Variants in TECTB observed in about 807,000 individuals in gnomAD.
TECTB encodes the protein tectorin beta.
TECTB carries 45 observed loss-of-function variants against 43.3 expected under a neutral mutation model. That is an observed-to-expected ratio of 1.04 (90% confidence interval 0.82 to 1.33). TECTB has a LOEUF of 1.33. Ranked by LOEUF, TECTB falls within the 40% of genes most tolerant of loss-of-function variation. The pLI, the probability that TECTB is intolerant of heterozygous loss-of-function variation, is 0.00. For missense variants in TECTB, 399 were observed against 404.7 expected (o/e 0.99, Z 0.12); for synonymous variants, 169 against 156.7 (o/e 1.08, Z -0.59).
chr10:112,285,710 TG>T (rs1404738240), intron 3 of TECTB, among the ~76,000 whole-genome samples: 4 of 152,126 alleles, frequency 2.6e-5, no homozygotes, highest in Non-Finnish European at 5.9e-5. Flanking sequence ...AAATTGGAGA[TG>T]GGTGAAGCAT....
chr10:112,296,548 G>T (rs961713169), intron 7 of TECTB, among the ~76,000 whole-genome samples: 4 of 152,206 alleles, frequency 2.6e-5, no homozygotes, highest in Non-Finnish European at 4.4e-5. Flanking sequence ...TTCATACGAG[G>T]ATCTCGTGTT....
intron 7 of TECTB, among the ~76,000 whole-genome samples, chr10:112,294,865 C>T (rs1377637619): frequency 6.6e-6 from 1 of 152,194 alleles, no homozygotes; most frequent in African/African-American, 2.4e-5. Flanking sequence ...GAGGAAAGGA[C>T]AGCGCAAGAA....
chr10:112,302,634 A>C, intron 10 of TECTB: 3 of 270,882 alleles, frequency 1.1e-5, no homozygotes, highest in Non-Finnish European at 2.1e-5. Context: ...GCACTGAACA[A>C]TGCCCAGCAA....
At chr10:112,291,419 C>T (rs1014308051) in intron 5 of TECTB, among the ~76,000 whole-genome samples, 3 of 152,152 alleles carry the variant, frequency 2.0e-5, no homozygotes, top group Admixed American at 6.5e-5. Flanking sequence ...ATAAATCATT[C>T]TATTACAAAG....
intron 10 of TECTB, 165 bp from the exon 11 acceptor site, chr10:112,303,098 T>G (rs1273335722): frequency 1.3e-6 from 1 of 743,640 alleles, no homozygotes; most frequent in African/African-American, 1.7e-5. Context: ...AGGTTCTTTG[T>G]ACTGATAAAT....
At chr10:112,301,864 C>T (rs2133359814) in intron 9 of TECTB, among the ~76,000 whole-genome samples, 1 of 152,272 alleles carries the variant, frequency 6.6e-6, no homozygotes, top group South Asian at 2.1e-4. Flanking sequence ...GCACGTGCCA[C>T]CACATCTGGT....
In TECTB at chr10:112,287,416, C is replaced by G. The variant is rs1327911085; in HGVS notation, c.483+1025C>G. Among the ~76,000 whole-genome samples, 6 of 152,356 alleles carry G rather than the reference C, an allele frequency of 3.9e-5. No individual in the cohort carries two copies. The East Asian group carries it at 1.2e-3, about 29-fold the overall frequency. On this transcript the variant is annotated intron_variant, in intron 5 of 10. Coordinates refer to ENST00000646139, the MANE Select transcript of TECTB (RefSeq NM_058222.3). ...CATTGAGGACCCATACACACAGAGA[C>G]TGTCCCAGCAGGCTAAAGGAAGATG...
intron 5 of TECTB, among the ~76,000 whole-genome samples, chr10:112,292,332 A>G (rs1004835206): frequency 2.0e-5 from 3 of 152,190 alleles, no homozygotes; most frequent in Non-Finnish European, 4.4e-5. Context: ...CCCACATGCC[A>G]GGCCAGTGAT....
intron 3 of TECTB, 152 bp downstream of exon 3, chr10:112,284,877 G>A (rs1353414402): frequency 3.0e-6 from 2 of 676,250 alleles, no homozygotes; most frequent in Non-Finnish European, 4.4e-6. Flanking sequence ...GAATGTTGGT[G>A]TTATTTAAAA....
intron 9 of TECTB, among the ~76,000 whole-genome samples, chr10:112,300,783 A>AG (rs2133359090): frequency 6.6e-6 from 1 of 152,352 alleles, no homozygotes; most frequent in East Asian, 1.9e-4. Flanking sequence ...ATCCAAAAAA[A>AG]AATCTGAAAT....
chr10:112,302,899 C>T (rs1228679354), intron 10 of TECTB: 5 of 256,448 alleles, frequency 1.9e-5, no homozygotes, highest in Non-Finnish European at 7.6e-6. Context: ...TGGGGTAAGA[C>T]AGTTCACTTA....
intron 8 of TECTB, among the ~76,000 whole-genome samples, chr10:112,298,930 T>A (rs1848572570): frequency 6.6e-6 from 1 of 152,184 alleles, no homozygotes; most frequent in Non-Finnish European, 1.5e-5. Context: ...TAGCCTATAG[T>A]AACCAACAAA....
At chr10:112,300,942 C>A (rs1399229627) in intron 9 of TECTB, among the ~76,000 whole-genome samples, 1 of 152,194 alleles carries the variant, frequency 6.6e-6, no homozygotes, top group Non-Finnish European at 1.5e-5. Context: ...GAAGGGTGGG[C>A]AAAACCTGTG....
At chr10:112,302,588 C>A in intron 10 of TECTB, 2 of 366,588 alleles carry the variant, frequency 5.5e-6, no homozygotes, top group Non-Finnish European at 9.6e-6. Flanking sequence ...CCCCTATCTA[C>A]ATGGCTGTGG....
At chr10:112,300,901 T>A (rs1038407257) in intron 9 of TECTB, among the ~76,000 whole-genome samples, 1 of 152,126 alleles carries the variant, frequency 6.6e-6, no homozygotes, top group Non-Finnish European at 1.5e-5. Context: ...GCTGACAATC[T>A]CCAAGTGAGA....
At chr10:112,302,346 A>T in intron 10 of TECTB, 1 of 516,496 alleles carries the variant, frequency 1.9e-6, no homozygotes, top group Non-Finnish European at 3.3e-6. Flanking sequence ...ACCGAAGGTA[A>T]ATCGGATGAA....
chr10:112,288,086 C>T (rs894070345), intron 5 of TECTB, among the ~76,000 whole-genome samples: 11 of 152,192 alleles, frequency 7.2e-5, no homozygotes, highest in African/African-American at 2.7e-4. Flanking sequence ...TTGGCTTCTG[C>T]GCACTGACAA....
In TECTB at chr10:112,298,137, A is replaced by T; in HGVS notation, c.740A>T (p.Asn247Ile). The stretch of plus-strand genomic sequence containing the variant: ...GATCACAGGGCAACCTTCCAATTCA[A>T]TGCTTTCCGGTTCCAGAACATCCCC... ...GRDHRATFQF[N>I]AFRFQNIPKL... Residue 247 changes from asparagine (N) to isoleucine (I), a missense_variant, in exon 8 of 11, where the codon AAT becomes ATT. Asn to Ile is a moderately radical substitution (Grantham distance 149). Transcript: ENST00000646139. 6.2e-7 allele frequency: 1 copy of T among 1,614,186 alleles called. No homozygotes were observed. The highest frequency in any genetic ancestry group is 2.2e-5 in the East Asian group (1 of 44,880).
rs368314112 is a variant in TECTB, at chr10:112,303,360, G to A, written c.*48G>A. Reference sequence around the variant, plus strand: ...TCCTCCACCCACAATAGTCCTCAGCGAATGACAAACACATTTATTGTGCTG... The same window carrying A: ...TCCTCCACCCACAATAGTCCTCAGCAAATGACAAACACATTTATTGTGCTG... On this transcript the variant is annotated 3_prime_UTR_variant, in exon 11 of 11. Coordinates refer to ENST00000646139, the MANE Select transcript of TECTB (RefSeq NM_058222.3). 2.9e-4 allele frequency: 460 copies of A among 1,607,604 alleles called. No individual in the cohort carries two copies. Among genetic ancestry groups the A allele is most frequent in the Admixed American group, 4.0e-4 (24 of 59,974 alleles).
Sources: gnomAD v4.1 joint callset for allele counts (sites outside exome capture counted in the v4.1 genomes callset) on GRCh38, gnomAD v4.1.1 for gene constraint, MANE v1.5 for transcripts, NCBI Gene and HGNC (gene_info 2026-07-23, HGNC 2026-07-21) for gene names.